The following PLCB1 variants were observed in gnomAD, a reference collection of about 807,000 sequenced individuals.
The protein encoded by PLCB1 is 1-phosphatidylinositol 4,5-bisphosphate phosphodiesterase beta-1.
In PLCB1, 46 loss-of-function variants were observed where a neutral mutation model predicts 161.8. The ratio of observed to expected loss-of-function variants is 0.28; its 90% CI spans 0.22 to 0.36. The LOEUF is 0.36. PLCB1 is among the 10% of genes least tolerant of loss of function. The pLI is 1.00. For synonymous variants in PLCB1, 517 were observed against 503.7 expected, an observed-to-expected ratio of 1.03 and a Z score of -0.35; for missense variants, 1,016 against 1,472.5, an observed-to-expected ratio of 0.69 and a Z score of 5.07.
chr20:8,145,458 AT>A (rs1272726177), intron 1 of PLCB1, among the ~76,000 whole-genome samples: 5 of 152,338 alleles, frequency 3.3e-5, no homozygotes, highest in Admixed American at 2.0e-4. Flanking sequence ...ACCTGGTGAC[AT>A]ACCTCCGCCT....
chr20:8,417,048 CACACACAT>C (rs1174566730), intron 3 of PLCB1, among the ~76,000 whole-genome samples: 44 of 55,786 alleles, frequency 7.9e-4, no homozygotes, highest in African/African-American at 2.2e-3. Flanking sequence ...CACACACACA[CACACACAT>C]ATATATATAT....
chr20:8,795,059 G>A (rs1036830856), intron 31 of PLCB1, among the ~76,000 whole-genome samples: 3 of 152,160 alleles, frequency 2.0e-5, no homozygotes, highest in African/African-American at 7.2e-5. Flanking sequence ...ATCAAAATCA[G>A]GCTAAAAATT....
At chr20:8,794,282 A>G (rs1327695317) in intron 31 of PLCB1, among the ~76,000 whole-genome samples, 3 of 152,232 alleles carry the variant, frequency 2.0e-5, no homozygotes, top group Non-Finnish European at 4.4e-5. Flanking sequence ...TGATTGGGGA[A>G]GTGATAAGTG....
intron 31 of PLCB1, among the ~76,000 whole-genome samples, chr20:8,851,675 C>T (rs1400228870): frequency 1.3e-5 from 2 of 151,146 alleles, no homozygotes; most frequent in Admixed American, 6.6e-5. Context: ...CATCAGAAGT[C>T]ATCAGCCCTG....
intron 31 of PLCB1, among the ~76,000 whole-genome samples, chr20:8,846,125 G>A (rs1986682188): frequency 1.3e-5 from 2 of 152,170 alleles, no homozygotes; most frequent in Admixed American, 1.3e-4. Context: ...AGCATGGCTG[G>A]GGAAGCCTAC....
chr20:8,460,128 T>C (rs905842690), intron 3 of PLCB1, among the ~76,000 whole-genome samples: 1 of 152,204 alleles, frequency 6.6e-6, no homozygotes, highest in African/African-American at 2.4e-5. Flanking sequence ...CAAGTGGTGA[T>C]AGAGATATCA....
At chr20:8,182,770 A>T (rs1239144762) in intron 2 of PLCB1, among the ~76,000 whole-genome samples, 1 of 151,692 alleles carries the variant, frequency 6.6e-6, no homozygotes, top group Non-Finnish European at 1.5e-5. Context: ...TAGTAGAGAC[A>T]GTGTTTCACC....
chr20:8,528,730 T>G (rs1193683925), intron 3 of PLCB1, among the ~76,000 whole-genome samples: 2 of 151,900 alleles, frequency 1.3e-5, no homozygotes, highest in African/African-American at 4.8e-5. Context: ...GTTCAATCCA[T>G]TATAGCTGGT....
chr20:8,701,900 G>C (rs1477714830), intron 11 of PLCB1, among the ~76,000 whole-genome samples: 2 of 152,216 alleles, frequency 1.3e-5, no homozygotes, highest in East Asian at 3.9e-4. Context: ...ACATTTGCCA[G>C]TTTTAGCTGC....
intron 26 of PLCB1, 102 bp downstream of exon 26, chr20:8,765,460 G>C (rs1982270114): frequency 1.3e-6 from 1 of 797,118 alleles, no homozygotes; most frequent in Admixed American, 2.8e-5. Context: ...ACCATGGCAA[G>C]AAAACCACCT....
chr20:8,267,723 T>C (rs1217179275), intron 2 of PLCB1, among the ~76,000 whole-genome samples: 1 of 152,158 alleles, frequency 6.6e-6, no homozygotes, highest in Non-Finnish European at 1.5e-5. Flanking sequence ...AGCAAGTGGC[T>C]CAGGAGCCCA....
intron 2 of PLCB1, among the ~76,000 whole-genome samples, chr20:8,352,862 CAT>C (rs925444393): frequency 2.0e-5 from 3 of 152,144 alleles, no homozygotes; most frequent in African/African-American, 7.2e-5. Context: ...TCCATGTAGA[CAT>C]AGGCTAGAAT....
intron 2 of PLCB1, among the ~76,000 whole-genome samples, chr20:8,251,765 G>T (rs944983783): frequency 2.0e-5 from 3 of 151,950 alleles, no homozygotes; most frequent in Non-Finnish European, 2.9e-5. Flanking sequence ...CACATTCCTA[G>T]GTCCCTCTCC....
chr20:8,710,397 G>A (rs113516869), intron 12 of PLCB1, among the ~76,000 whole-genome samples: 32 of 152,028 alleles, frequency 2.1e-4, no homozygotes, highest in South Asian at 1.2e-3. Context: ...TTCCAACATC[G>A]GGGGTTACAA....
chr20:8,794,524 A>G (rs1275533940), intron 31 of PLCB1, among the ~76,000 whole-genome samples: 3 of 152,184 alleles, frequency 2.0e-5, no homozygotes, highest in Non-Finnish European at 2.9e-5. Context: ...GCAGACACCA[A>G]AAGTATGTAT....
At chr20:8,295,696 C>A (rs575265036) in intron 2 of PLCB1, among the ~76,000 whole-genome samples, 55 of 151,940 alleles carry the variant, frequency 3.6e-4, no homozygotes, top group South Asian at 1.2e-3. Context: ...TAGTCTCTCT[C>A]TATATATATA....
chr20:8,660,006 A>AG (rs1464266952), intron 9 of PLCB1, among the ~76,000 whole-genome samples: 43 of 151,532 alleles, frequency 2.8e-4, no homozygotes, highest in Non-Finnish European at 4.1e-4. Flanking sequence ...AAAAAAAAAA[A>AG]AAGAAGAAGA....
At chr20:8,780,703 A>G (rs1182710192) in intron 27 of PLCB1, among the ~76,000 whole-genome samples, 1 of 152,176 alleles carries the variant, frequency 6.6e-6, no homozygotes, top group African/African-American at 2.4e-5. Context: ...CAGATCAGCT[A>G]TGAATGGACG....
chr20:8,481,439 G>C (rs1167967303), intron 3 of PLCB1, among the ~76,000 whole-genome samples: 1 of 152,102 alleles, frequency 6.6e-6, no homozygotes, highest in Non-Finnish European at 1.5e-5. Flanking sequence ...TCTTCTATTT[G>C]TAAATGATTA....
Sources: gnomAD v4.1 joint callset for allele counts (sites outside exome capture counted in the v4.1 genomes callset) on GRCh38, gnomAD v4.1.1 for gene constraint, MANE v1.5 for transcripts, NCBI Gene and HGNC (gene_info 2026-07-23, HGNC 2026-07-21) for gene names.